Variants in ZC3H14 observed in about 807,000 individuals in gnomAD.
ZC3H14 encodes zinc finger CCCH-type containing 14.
In ZC3H14, 31 loss-of-function variants were observed where a neutral mutation model predicts 92.4. That is an observed-to-expected ratio of 0.34 (90% CI 0.25 to 0.45). ZC3H14 has a LOEUF of 0.45. Among genes scored for constraint, ZC3H14 ranks in the 20% least tolerant of loss-of-function variants. The pLI, the probability that ZC3H14 is intolerant of heterozygous loss-of-function variation, is 1.00. For missense variants in ZC3H14, 781 were observed against 897.3 expected (o/e 0.87, Z 1.66); for synonymous variants, 321 against 300.9 (o/e 1.07, Z -0.69).
intron 2 of ZC3H14, among the ~76,000 whole-genome samples, chr14:88,567,098 G>T: frequency 8.2e-6 from 1 of 122,560 alleles, no homozygotes; most frequent in African/African-American, 3.0e-5. Flanking sequence ...GTGTTTTTTG[G>T]CTTCTTTTAT....
In ZC3H14 at chr14:88,616,421, G is replaced by A. The variant is rs1038188971; in HGVS notation, c.*4670G>A. ...GGATCTGCAAAACCAGGCTGTGTGG[G>A]CAGTCAGATGTCTCCAGGTACTCTG... On this transcript the variant is annotated 3_prime_UTR_variant, in exon 17 of 17. Coordinates refer to ENST00000251038, the MANE Select transcript of ZC3H14 (RefSeq NM_024824.5). 11 of 645,780 alleles carry A rather than the reference G, an allele frequency of 1.7e-5. No homozygotes were observed. Among genetic ancestry groups the A allele is most frequent in the South Asian group, 5.8e-5 (3 of 51,544 alleles). The allele number at this position is 645,780 out of a possible 1,614,324, so 40.0% of individuals were successfully genotyped here. A position where few individuals can be genotyped will look rare whatever the true frequency, so the allele number is the denominator to read the frequency against.
intron 10 of ZC3H14, among the ~76,000 whole-genome samples, chr14:88,600,955 A>G (rs1172177402): frequency 6.6e-6 from 1 of 152,004 alleles, no homozygotes; most frequent in Non-Finnish European, 1.5e-5. Flanking sequence ...CTCTGCCTGA[A>G]GTGCTGTGTT....
intron 9 of ZC3H14, among the ~76,000 whole-genome samples, chr14:88,578,836 T>C (rs1255498709): frequency 1.5e-5 from 2 of 135,160 alleles, no homozygotes. Context: ...CCCCAATTCC[T>C]ATACAATCTT....
chr14:88,587,569 A>G (rs531856272), intron 9 of ZC3H14, among the ~76,000 whole-genome samples: 26 of 152,152 alleles, frequency 1.7e-4, no homozygotes, highest in African/African-American at 5.8e-4. Flanking sequence ...AAGCTGATCA[A>G]ATTTACATTT....
chr14:88,615,554 T>C lies in ZC3H14; in HGVS notation c.*3803T>C. On this transcript the variant is annotated 3_prime_UTR_variant, in exon 17 of 17. Coordinates refer to ENST00000251038, the MANE Select transcript of ZC3H14 (RefSeq NM_024824.5). ...TCTGCCGAAATCACACACTTCCCAATACAGGGGGACTTGGCCTTTACCATC... is the reference window on the plus strand; with the variant it reads ...TCTGCCGAAATCACACACTTCCCAACACAGGGGGACTTGGCCTTTACCATC... The C allele has an allele frequency of 2.5e-6, 1 of 401,550 alleles. No individual in the cohort carries two copies. The highest frequency in any genetic ancestry group is 2.1e-5 in the African/African-American group (1 of 48,562). 24.9% of individuals were successfully genotyped at this position (401,550 alleles called of 1,614,324 possible).
chr14:88,595,187 T>C (rs1566952386), intron 9 of ZC3H14: 11 of 1,586,080 alleles, frequency 6.9e-6, no homozygotes, highest in Non-Finnish European at 8.5e-6. Flanking sequence ...TGACTGTAGC[T>C]CTGATGTGGA....
chr14:88,577,086 C>T (rs986014610), intron 8 of ZC3H14, among the ~76,000 whole-genome samples: 1 of 152,116 alleles, frequency 6.6e-6, no homozygotes, highest in Non-Finnish European at 1.5e-5. Context: ...TGAGCCACCG[C>T]GCCTGGCACC....
chr14:88,577,903 A>T, intron 8 of ZC3H14, 82 bp from the exon 9 acceptor site: 2 of 1,563,376 alleles, frequency 1.3e-6, no homozygotes, highest in African/African-American at 1.4e-5. Context: ...GGAGGCATTT[A>T]TATTTAATAT....
intron 2 of ZC3H14, among the ~76,000 whole-genome samples, chr14:88,564,460 GC>G (rs1489786559): frequency 6.6e-6 from 1 of 152,184 alleles, no homozygotes; most frequent in Non-Finnish European, 1.5e-5. Flanking sequence ...TTTATGGTTT[GC>G]CCCCAAAGCT....
chr14:88,574,705 CG>C lies in ZC3H14; in HGVS notation c.876del (p.Lys293ArgfsTer7). The C allele has an allele frequency of 6.2e-7, 1 of 1,613,802 alleles. No homozygotes were observed. The highest frequency in any genetic ancestry group is 8.5e-7 in the Non-Finnish European group (1 of 1,179,922). On this transcript the variant is annotated frameshift_variant, in exon 7 of 17. Coordinates refer to ENST00000251038, the MANE Select transcript of ZC3H14 (RefSeq NM_024824.5). LOFTEE classifies it high-confidence loss of function. ...EKMSMEDENFRKRKLPVVSSV... is the reference protein window; with the variant it reads ...EKMSMEDENFXKRKLPVVSSV... ...TATCTGATTGCAGGATGAAAACTTT[CG>C]GAAGAGAAAGTTGCCTGTGGTAAGT...
rs2140309179 is a variant in ZC3H14 at position 88,621,134 on chromosome 14, T to C, written c.*9383T>C. On this transcript the variant is annotated 3_prime_UTR_variant, in exon 17 of 17. Transcript: ENST00000251038. ...TTACTTTATCAGCAATATCCCAAAG[T>C]CTCACTGTCCCATCTTCTGCAGCAG... is the stretch of plus-strand genomic sequence containing the variant. 1 of 1,613,816 alleles carries C rather than the reference T, an allele frequency of 6.2e-7. No homozygotes were observed. Among genetic ancestry groups the C allele is most frequent in the South Asian group, 1.1e-5 (1 of 91,060 alleles).
chr14:88,566,979 C>G lies in ZC3H14; in HGVS notation c.80-1060C>G, dbSNP rs368440617. 5.9e-5 allele frequency among the ~76,000 whole-genome samples: 9 copies of G among 151,324 alleles called. No homozygotes were observed. In the East Asian group the frequency reaches 1.2e-3, roughly 20 times the overall value. ...GTTTTGAGGGTCAGAGATTAGAGTT[C>G]CTGATAACAGCTTTTGCTTCCTTAT... On this transcript the variant is annotated intron_variant, in intron 2 of 16. Transcript: ENST00000251038.
chr14:88,587,103 A>G (rs2082554778), intron 9 of ZC3H14, among the ~76,000 whole-genome samples: 1 of 151,954 alleles, frequency 6.6e-6, no homozygotes, highest in Non-Finnish European at 1.5e-5. Context: ...AGTAACTTAA[A>G]TATTTCTTGT....
In ZC3H14 at chr14:88,622,947, T is replaced by C. The variant is rs923943905; in HGVS notation, c.*11196T>C. ...AATTTTATTTTGAGAAATACTCTTT[T>C]TTTCTGACATGAGCATAATTTTATT... On this transcript the variant is annotated 3_prime_UTR_variant, in exon 17 of 17. Coordinates refer to ENST00000251038, the MANE Select transcript of ZC3H14 (RefSeq NM_024824.5). 6 of 397,642 alleles carry C rather than the reference T, an allele frequency of 1.5e-5. No individual in the cohort carries two copies. The highest frequency in any genetic ancestry group is 2.7e-5 in the Non-Finnish European group (6 of 225,266). The allele number at this position is 397,642 out of a possible 1,614,324, so 24.6% of individuals were successfully genotyped here. A position where few individuals can be genotyped will look rare whatever the true frequency, so the allele number is the denominator to read the frequency against.
intron 12 of ZC3H14, among the ~76,000 whole-genome samples, chr14:88,605,710 C>G (rs1263219739): frequency 6.6e-6 from 1 of 152,162 alleles, no homozygotes; most frequent in Non-Finnish European, 1.5e-5. Context: ...CATAATTGCT[C>G]TTTGATGCTG....
chr14:88,597,798 G>T (rs2084054202), intron 10 of ZC3H14, among the ~76,000 whole-genome samples: 1 of 152,180 alleles, frequency 6.6e-6, no homozygotes, highest in East Asian at 1.9e-4. Context: ...ATCTGTGTGT[G>T]GGATCCACTT....
rs565526180 is a variant in ZC3H14, at chr14:88,625,409, T to A, written c.*13658T>A. 3.6e-6 allele frequency: 1 copy of A among 274,270 alleles called. No homozygotes were observed. The highest frequency in any genetic ancestry group is 2.2e-5 in the African/African-American group (1 of 44,734). 17.0% of individuals were successfully genotyped at this position (274,270 alleles called of 1,614,324 possible). A position where few individuals can be genotyped will look rare whatever the true frequency, so the allele number is the denominator to read the frequency against. ...TACTATAATTCTAGGGTTTATTTTTTATTTTTTTGAGACGGAGTTTCGCTC... is the reference window on the plus strand; with the variant it reads ...TACTATAATTCTAGGGTTTATTTTTAATTTTTTTGAGACGGAGTTTCGCTC... On this transcript the variant is annotated 3_prime_UTR_variant, in exon 17 of 17. Transcript: ENST00000251038.
intron 16 of ZC3H14, among the ~76,000 whole-genome samples, chr14:88,611,530 A>G (rs2086765543): frequency 6.6e-6 from 1 of 152,218 alleles, no homozygotes; most frequent in African/African-American, 2.4e-5. Flanking sequence ...GGAAGTTTCA[A>G]AATATTTTAG....
chr14:88,622,036 T>TC lies in ZC3H14; in HGVS notation c.*10290dup. The TC allele has an allele frequency of 3.2e-6, 1 of 314,518 alleles. No individual in the cohort carries two copies. Among genetic ancestry groups the TC allele is most frequent in the Non-Finnish European group, 6.5e-6 (1 of 153,928 alleles). 19.5% of individuals were successfully genotyped at this position (314,518 alleles called of 1,614,324 possible). ...CAGTCCTTCCCTATCCCCCTCCCCC[T>TC]CCCCCTTGTCCGCCTCCAGTAACCA... On this transcript the variant is annotated 3_prime_UTR_variant, in exon 17 of 17. Coordinates refer to ENST00000251038, the MANE Select transcript of ZC3H14 (RefSeq NM_024824.5).
Sources: gnomAD v4.1 joint callset for allele counts (sites outside exome capture counted in the v4.1 genomes callset) on GRCh38, gnomAD v4.1.1 for gene constraint, MANE v1.5 for transcripts, NCBI Gene and HGNC (gene_info 2026-07-23, HGNC 2026-07-21) for gene names.